Variants in ZNF595 observed in about 807,000 individuals in gnomAD.
The protein encoded by ZNF595 is zinc finger protein 595.
ZNF595 carries 9 observed loss-of-function variants against 19.4 expected under a neutral mutation model. That is an observed-to-expected ratio of 0.46 (90% confidence interval 0.28 to 0.81). The LOEUF (loss-of-function observed/expected upper bound fraction) is 0.81. ZNF595 is among the 30% of genes least tolerant of loss of function. The pLI, the probability that ZNF595 is intolerant of heterozygous loss-of-function variation, is 0.11. For synonymous variants in ZNF595, 255 were observed against 255.9 expected (o/e 1.00, Z 0.03); for missense variants, 729 against 736.0 (o/e 0.99, Z 0.11).
chr4:68,793 G>T (rs1418509324), intron 3 of ZNF595, among the ~76,000 whole-genome samples: 2 of 152,024 alleles, frequency 1.3e-5, no homozygotes, highest in African/African-American at 2.4e-5. Flanking sequence ...ACTTAAAAAT[G>T]TACAATTAAA....
chr4:72,331 C>G (rs1189464991), intron 3 of ZNF595, among the ~76,000 whole-genome samples: 1 of 151,854 alleles, frequency 6.6e-6, no homozygotes, highest in African/African-American at 2.4e-5. Flanking sequence ...CACACAGAAT[C>G]TCAGGGCTTA....
At chr4:73,906 G>A (rs560884225) in intron 3 of ZNF595, among the ~76,000 whole-genome samples, 9 of 152,196 alleles carry the variant, frequency 5.9e-5, no homozygotes, top group Admixed American at 4.6e-4. Context: ...GCCCTGAGAC[G>A]GTGGGGTCTG....
chr4:71,829 A>AT (rs1713444695), intron 3 of ZNF595, among the ~76,000 whole-genome samples: 1 of 152,034 alleles, frequency 6.6e-6, no homozygotes, highest in Admixed American at 6.6e-5. Context: ...TACCATCTGG[A>AT]TTTTTTCAGA....
At position 86,560 on chromosome 4, in the gene ZNF595, C is replaced by T. The variant is rs782069584; in HGVS notation, c.1056C>T (p.Ser352=). 6.2e-6 allele frequency: 10 copies of T among 1,613,660 alleles called. No individual in the cohort carries two copies. The highest frequency in any genetic ancestry group is 2.7e-5 in the African/African-American group (2 of 74,878). The change falls in exon 4 of 4, where the codon TCC becomes TCT. Residue 352 remains serine (S), a synonymous_variant. Transcript: ENST00000610261. ...CEKCGKAFNQ[S]SSLIIHRSIH... is the part of the protein sequence containing the mutation. Reference sequence around the variant, plus strand: ...AATGTGGCAAAGCTTTTAACCAATCCTCAAGTCTTATTATACACAGGAGCA... The same window carrying T: ...AATGTGGCAAAGCTTTTAACCAATCTTCAAGTCTTATTATACACAGGAGCA...
At chr4:54,944 T>A (rs1581309552) in intron 1 of ZNF595, among the ~76,000 whole-genome samples, 1 of 152,258 alleles carries the variant, frequency 6.6e-6, no homozygotes. Flanking sequence ...TGCAGTGGCG[T>A]GATCTCGGCT....
intron 3 of ZNF595, among the ~76,000 whole-genome samples, chr4:83,157 T>C (rs887993772): frequency 2.6e-5 from 4 of 152,222 alleles, no homozygotes; most frequent in Non-Finnish European, 4.4e-5. Flanking sequence ...TTGTCTCTTA[T>C]GAGCTTTTAG....
chr4:69,906 G>A (rs538706061), intron 3 of ZNF595, among the ~76,000 whole-genome samples: 118 of 152,164 alleles, frequency 7.8e-4, no homozygotes, highest in African/African-American at 2.7e-3. Context: ...AGTTCGATGC[G>A]GGGGTCTGCC....
chr4:80,323 C>T (rs1713851692), intron 3 of ZNF595, among the ~76,000 whole-genome samples: 1 of 152,162 alleles, frequency 6.6e-6, no homozygotes, highest in Non-Finnish European at 1.5e-5. Context: ...CCTGCTTGAG[C>T]ATGTCTTTGT....
At chr4:85,064 G>T (rs1714076470) in intron 3 of ZNF595, among the ~76,000 whole-genome samples, 1 of 152,174 alleles carries the variant, frequency 6.6e-6, no homozygotes, top group Non-Finnish European at 1.5e-5. Context: ...GAAACCTGTT[G>T]TCTTTGATAG....
chr4:79,365 T>C (rs1181125635), intron 3 of ZNF595, among the ~76,000 whole-genome samples: 3 of 152,238 alleles, frequency 2.0e-5, no homozygotes, highest in African/African-American at 7.2e-5. Context: ...TTTGTGCTGT[T>C]TCCAGGAATT....
In ZNF595 at chr4:86,142, C is replaced by T; in HGVS notation, c.638C>T (p.Thr213Ile). The T allele has an allele frequency of 1.2e-6, 2 of 1,613,626 alleles. No individual in the cohort carries two copies. Among genetic ancestry groups the T allele is most frequent in the South Asian group, 2.2e-5 (2 of 91,062 alleles). Reference protein sequence around the residue: ...EKCGKAFNRSTSLSKHKRIHT... With the variant: ...EKCGKAFNRSISLSKHKRIHT... ...TGTGGCAAAGCCTTTAATAGGTCCACATCACTTAGTAAACATAAGAGAATT... is the reference window on the plus strand; with the variant it reads ...TGTGGCAAAGCCTTTAATAGGTCCATATCACTTAGTAAACATAAGAGAATT... The change falls in exon 4 of 4, where the codon ACA becomes ATA. Residue 213 changes from threonine (T) to isoleucine (I), a missense_variant. Coordinates refer to ENST00000610261, the MANE Select transcript of ZNF595 (RefSeq NM_182524.4).
At chr4:69,293 A>G (rs1553797513) in intron 3 of ZNF595, among the ~76,000 whole-genome samples, 2 of 152,028 alleles carry the variant, frequency 1.3e-5, no homozygotes, top group South Asian at 2.1e-4. Context: ...TAGTAGCTCT[A>G]TTTTTCATTT....
At chr4:83,287 G>A (rs570635348) in intron 3 of ZNF595, among the ~76,000 whole-genome samples, 1 of 151,994 alleles carries the variant, frequency 6.6e-6, no homozygotes, top group African/African-American at 2.4e-5. Flanking sequence ...GCCTTTTTCA[G>A]TCTCCTTTAA....
chr4:86,067 C>A lies in ZNF595; in HGVS notation c.563C>A (p.Thr188Asn). The change falls in exon 4 of 4, where the codon ACT (threonine) becomes AAT (asparagine). Residue 188 changes from threonine to asparagine, a missense_variant. By Grantham distance (65) the Thr-to-Asn change is moderately conservative. This residue lies in a region of ZNF595 where 729 missense variants were observed against 675.3 expected (regional missense o/e 1.08). Coordinates refer to ENST00000610261, the MANE Select transcript of ZNF595 (RefSeq NM_182524.4). The part of the protein sequence containing the change: ...CGRSFYMSHL[T>N]QHTGIHAGEK... ...AGATCGTTTTACATGTCACACCTAA[C>A]TCAACATACAGGAATTCATGCTGGA... The A allele has an allele frequency of 6.2e-7, 1 of 1,612,918 alleles. No homozygotes were observed. Among genetic ancestry groups the A allele is most frequent in the Non-Finnish European group, 8.5e-7 (1 of 1,179,398 alleles).
intron 3 of ZNF595, among the ~76,000 whole-genome samples, chr4:81,311 CTG>C (rs1560091832): frequency 6.6e-6 from 1 of 152,104 alleles, no homozygotes; most frequent in African/African-American, 2.4e-5. Flanking sequence ...ATAAGAGTCT[CTG>C]TTTATCTGTA....
At chr4:72,141 A>G (rs962511366) in intron 3 of ZNF595, among the ~76,000 whole-genome samples, 2 of 152,232 alleles carry the variant, frequency 1.3e-5, no homozygotes, top group Admixed American at 6.5e-5. Context: ...TATTAACTGC[A>G]CAATGCATTC....
At chr4:82,198 G>A (rs1482231445) in intron 3 of ZNF595, among the ~76,000 whole-genome samples, 1 of 151,944 alleles carries the variant, frequency 6.6e-6, no homozygotes, top group Non-Finnish European at 1.5e-5. Flanking sequence ...CCTATAATTT[G>A]GGGGTTGCTA....
Position 86,774 on chromosome 4 carries a change from T to C in ZNF595, c.1270T>C (p.Tyr424His). The C allele has an allele frequency of 6.2e-7, 1 of 1,613,898 alleles. No individual in the cohort carries two copies. Among genetic ancestry groups the C allele is most frequent in the Non-Finnish European group, 8.5e-7 (1 of 1,179,886 alleles). Residue 424 changes from tyrosine to histidine, a missense_variant, in exon 4 of 4, where the codon TAC (tyrosine) becomes CAC (histidine). Tyr to His is a moderately conservative substitution (Grantham distance 83). Transcript: ENST00000610261. ...GAGAATTCATACTGGAGAGAAACCC[T>C]ACACGTGCGAAGAATGTGGCAAAGC... ...HKRIHTGEKP[Y>H]TCEECGKAFN...
At chr4:75,619 G>T (rs932840701) in intron 3 of ZNF595, among the ~76,000 whole-genome samples, 7 of 152,084 alleles carry the variant, frequency 4.6e-5, no homozygotes, top group Non-Finnish European at 8.8e-5. Flanking sequence ...ATTTTTAAAA[G>T]AATTACTGAT....
Sources: gnomAD v4.1 joint callset for allele counts (sites outside exome capture counted in the v4.1 genomes callset) on GRCh38, gnomAD v4.1.1 for gene constraint, gnomAD v4.1.1 regional missense constraint, MANE v1.5 for transcripts, NCBI Gene and HGNC (gene_info 2026-07-23, HGNC 2026-07-21) for gene names.